MAD1L1: variants seen among roughly 807,000 people sequenced by gnomAD.
MAD1L1 encodes the protein mitotic arrest deficient 1 like 1.
In MAD1L1, 95 loss-of-function variants were observed where a neutral mutation model predicts 96.9. That is an observed-to-expected ratio of 0.98 (90% CI 0.83 to 1.16). The LOEUF (loss-of-function observed/expected upper bound fraction) is 1.16. MAD1L1 is among the 50% of genes most tolerant of loss of function. The pLI, the probability that MAD1L1 is intolerant of heterozygous loss-of-function variation, is 0.00. For synonymous variants in MAD1L1, 473 were observed against 396.6 expected (o/e 1.19, Z -2.29); for missense variants, 1,007 against 954.4 (o/e 1.06, Z -0.73).
At chr7:1,973,935 G>A (rs779898203) in intron 15 of MAD1L1, among the ~76,000 whole-genome samples, 2 of 152,218 alleles carry the variant, frequency 1.3e-5, no homozygotes, top group Non-Finnish European at 2.9e-5. Flanking sequence ...GCTGCTGAAG[G>A]CTGGGGCAGG....
rs1793669271 is a variant in MAD1L1 at position 2,222,639 on chromosome 7, T to C, written c.407A>G (p.Gln136Arg). ...CCTCTTGCTGGCAGCATCCAAGTTC[T>C]GCTGACACTGCCTGTTGCGCTCCAG... ...EQLERNRQCQ[Q>R]NLDAASKRLR... Residue 136 changes from glutamine to arginine, a missense_variant, in exon 5 of 19, where the codon CAG becomes CGG. Gln to Arg is a conservative substitution (Grantham distance 43). Coordinates refer to ENST00000265854, the MANE Select transcript of MAD1L1 (RefSeq NM_001013836.2). 2 of 1,613,292 alleles carry C rather than the reference T, an allele frequency of 1.2e-6. No homozygotes were observed. Among genetic ancestry groups the C allele is most frequent in the Non-Finnish European group, 8.5e-7 (1 of 1,179,876 alleles).
At chr7:1,867,684 G>A (rs1784844024) in intron 18 of MAD1L1, among the ~76,000 whole-genome samples, 1 of 152,186 alleles carries the variant, frequency 6.6e-6, no homozygotes, top group Non-Finnish European at 1.5e-5. Flanking sequence ...GAAGGGCCAC[G>A]CTTCCTGGCC....
chr7:2,077,643 G>C (rs1785441703), intron 11 of MAD1L1, among the ~76,000 whole-genome samples: 2 of 152,256 alleles, frequency 1.3e-5, no homozygotes, highest in East Asian at 3.8e-4. Context: ...TGGTGGCCTG[G>C]AGCAGGTACA....
At chr7:2,100,317 G>A (rs55889027) in intron 11 of MAD1L1, among the ~76,000 whole-genome samples, 4,118 of 152,292 alleles carry the variant, frequency 0.027, 98 homozygotes, top group South Asian at 0.09. Flanking sequence ...AAACTCTATG[G>A]CAGAAAGCAC....
intron 11 of MAD1L1, among the ~76,000 whole-genome samples, chr7:2,093,160 G>A (rs910728624): frequency 3.4e-5 from 5 of 145,750 alleles, no homozygotes; most frequent in Admixed American, 1.4e-4. Context: ...CGGAAGAATC[G>A]CTTAAACCCA....
At position 2,219,454 on chromosome 7, in the gene MAD1L1, G is replaced by C. The variant is rs747023834; in HGVS notation, c.474C>G (p.Thr158=). Residue 158 remains threonine, a splice_region_variant and synonymous_variant, in exon 6 of 19, where the codon ACC becomes ACG. Coordinates refer to ENST00000265854, the MANE Select transcript of MAD1L1 (RefSeq NM_001013836.2). ...KEDSLAQAGE[T]INALKGRISE... is the part of the protein sequence containing the mutation. ...AGATCCTCCCCTTCAGTGCGTTGATGGTCTAAAAGTAGAGGGGACCAGAGA... is the reference window on the plus strand; with the variant it reads ...AGATCCTCCCCTTCAGTGCGTTGATCGTCTAAAAGTAGAGGGGACCAGAGA... The C allele has an allele frequency of 6.2e-7, 1 of 1,613,454 alleles. No homozygotes were observed. The highest frequency in any genetic ancestry group is 2.2e-5 in the East Asian group (1 of 44,876).
intron 13 of MAD1L1, among the ~76,000 whole-genome samples, chr7:2,004,788 C>T (rs1220892144): frequency 1.3e-5 from 2 of 152,364 alleles, no homozygotes; most frequent in Admixed American, 1.3e-4. Flanking sequence ...GGCTCATCAG[C>T]CTGAGGCCGA....
At chr7:2,044,077 G>A (rs1045991440) in intron 12 of MAD1L1, among the ~76,000 whole-genome samples, 4 of 152,346 alleles carry the variant, frequency 2.6e-5, no homozygotes, top group African/African-American at 7.2e-5. Context: ...ATGGGAGGAC[G>A]AGCTGCCTAG....
At chr7:1,986,466 G>A (rs920210114) in intron 14 of MAD1L1, among the ~76,000 whole-genome samples, 3 of 152,014 alleles carry the variant, frequency 2.0e-5, no homozygotes, top group Non-Finnish European at 2.9e-5. Context: ...GGCTCACGCC[G>A]GCAAGGGAGT....
intron 18 of MAD1L1, among the ~76,000 whole-genome samples, chr7:1,821,760 C>G (rs1414607725): frequency 6.6e-6 from 1 of 152,204 alleles, no homozygotes; most frequent in African/African-American, 2.4e-5. Flanking sequence ...TCTTGCAAAG[C>G]AGGAATCAAG....
chr7:2,141,380 C>T (rs1789023571), intron 11 of MAD1L1, among the ~76,000 whole-genome samples: 1 of 152,246 alleles, frequency 6.6e-6, no homozygotes, highest in Non-Finnish European at 1.5e-5. Context: ...AGAGATGGGG[C>T]TCGATCTCAG....
At chr7:1,832,648 T>TGGGGGG (rs1562436993) in intron 18 of MAD1L1, among the ~76,000 whole-genome samples, 4 of 3,234 alleles carry the variant, frequency 1.2e-3, no homozygotes, top group African/African-American at 3.8e-3. Context: ...GGGGGGGGGG[T>TGGGGGG]GGGGATGGAG....
chr7:2,153,188 G>A lies in MAD1L1; in HGVS notation c.987-3950C>T, dbSNP rs1789665720. On this transcript the variant is annotated intron_variant, in intron 10 of 18. Coordinates refer to ENST00000265854, the MANE Select transcript of MAD1L1 (RefSeq NM_001013836.2). ...AACAAAAACAAAAATAGACAAATGG[G>A]ACTACATCAAAGTAAAAAGCTTCTG... Among the ~76,000 whole-genome samples, 3 of 152,210 alleles carry A rather than the reference G, an allele frequency of 2.0e-5. 1 individual carries two copies. In the South Asian group the frequency reaches 6.2e-4, roughly 32 times the overall value.
intron 11 of MAD1L1, among the ~76,000 whole-genome samples, chr7:2,075,884 G>T (rs997083037): frequency 1.3e-5 from 2 of 152,152 alleles, no homozygotes; most frequent in Non-Finnish European, 2.9e-5. Context: ...AGCCCACTGT[G>T]AGCACCCGCC....
At chr7:2,139,988 C>A (rs1459905087) in intron 11 of MAD1L1, among the ~76,000 whole-genome samples, 1 of 149,782 alleles carries the variant, frequency 6.7e-6, no homozygotes, top group East Asian at 2.0e-4. Context: ...CTATCTGGAC[C>A]CCGCCCCCCC....
chr7:1,903,211 C>G (rs781756606), intron 17 of MAD1L1, among the ~76,000 whole-genome samples: 29 of 151,082 alleles, frequency 1.9e-4, no homozygotes, highest in Non-Finnish European at 4.0e-4. Flanking sequence ...CTGCGGAACT[C>G]ATGATTGATG....
chr7:1,857,791 C>A (rs989729812), intron 18 of MAD1L1, among the ~76,000 whole-genome samples: 1 of 152,240 alleles, frequency 6.6e-6, no homozygotes, highest in African/African-American at 2.4e-5. Context: ...CACGACGCCC[C>A]CTCTGAGGCT....
At chr7:2,023,664 A>G (rs1336089804) in intron 12 of MAD1L1, among the ~76,000 whole-genome samples, 1 of 152,208 alleles carries the variant, frequency 6.6e-6, no homozygotes, top group Admixed American at 6.5e-5. Context: ...AATAATAAAA[A>G]TTGGCCAGGT....
At chr7:1,842,137 T>G (rs1783299489) in intron 18 of MAD1L1, among the ~76,000 whole-genome samples, 1 of 152,228 alleles carries the variant, frequency 6.6e-6, no homozygotes, top group South Asian at 2.1e-4. Context: ...CACCAAGCTG[T>G]GAGTTTATGG....
Sources: gnomAD v4.1 joint callset for allele counts (sites outside exome capture counted in the v4.1 genomes callset) on GRCh38, gnomAD v4.1.1 for gene constraint, MANE v1.5 for transcripts, NCBI Gene and HGNC (gene_info 2026-07-23, HGNC 2026-07-21) for gene names.